STXBP5: variants seen among roughly 807,000 people sequenced by gnomAD.
STXBP5 encodes syntaxin binding protein 5.
Under a neutral mutation model 152.4 loss-of-function variants are expected in STXBP5, and 50 were observed. The ratio of observed to expected loss-of-function variants is 0.33; its 90% CI spans 0.26 to 0.42. The LOEUF is 0.42. Among genes scored for constraint, STXBP5 ranks in the 10% least tolerant of loss-of-function variants. The probability of loss-of-function intolerance (pLI) is 1.00; values close to 1 mark genes in which losing one functional copy is unlikely to be tolerated. For missense variants in STXBP5, 1,167 were observed against 1,388.6 expected, an observed-to-expected ratio of 0.84 and a Z score of 2.54; for synonymous variants, 492 against 494.7, an observed-to-expected ratio of 0.99 and a Z score of 0.07.
chr6:147,289,101 T>G (rs976454191), intron 8 of STXBP5, among the ~76,000 whole-genome samples: 2 of 152,216 alleles, frequency 1.3e-5, no homozygotes, highest in African/African-American at 4.8e-5. Context: ...TGCATTCAGT[T>G]AACACTTTAG....
Position 147,361,000 on chromosome 6 carries a change from T to C in STXBP5, c.2545+1677T>C, listed in dbSNP as rs566444366. On this transcript the variant is annotated intron_variant, in intron 23 of 27. Transcript: ENST00000321680. ...AGTTTAATTTACTCATTTTGCTCTA[T>C]AAGTGCTTGAGTATATACTGCACAT... 7.2e-5 allele frequency among the ~76,000 whole-genome samples: 11 copies of C among 152,320 alleles called. No homozygotes were observed. The East Asian group carries it at 2.1e-3, about 29-fold the overall frequency.
chr6:147,301,885 C>G (rs950893267), intron 9 of STXBP5, among the ~76,000 whole-genome samples: 1 of 152,142 alleles, frequency 6.6e-6, no homozygotes, highest in Non-Finnish European at 1.5e-5. Flanking sequence ...TGACTTCAGA[C>G]CTGCTACTGC....
At chr6:147,256,523 C>A (rs146854743) in intron 4 of STXBP5, among the ~76,000 whole-genome samples, 1 of 152,228 alleles carries the variant, frequency 6.6e-6, no homozygotes, top group South Asian at 2.1e-4. Flanking sequence ...CAAAATGTCA[C>A]TGAATATGGT....
rs149535107 is a variant in STXBP5, at chr6:147,383,254, C to G, written c.3414+256C>G. On this transcript the variant is annotated intron_variant, in intron 27 of 27. Transcript: ENST00000321680. ...TCAGGCTTTTGGTAAGCAAAGCTACCAGCTTTGCAACTGTTTCTTAAGGAA... is the reference window on the plus strand; with the variant it reads ...TCAGGCTTTTGGTAAGCAAAGCTACGAGCTTTGCAACTGTTTCTTAAGGAA... 8.3e-3 allele frequency among the ~76,000 whole-genome samples: 1,264 copies of G among 152,080 alleles called. 21 individuals carry two copies. The highest frequency in any genetic ancestry group is 0.029 in the African/African-American group (1,214 of 41,486).
intron 17 of STXBP5, among the ~76,000 whole-genome samples, chr6:147,326,568 C>G (rs546134590): frequency 2.0e-4 from 30 of 152,278 alleles, no homozygotes; most frequent in African/African-American, 7.0e-4. Context: ...CATGTCAGTT[C>G]TCCATTCCTG....
At chr6:147,331,804 TTA>T (rs1491419240) in intron 18 of STXBP5, among the ~76,000 whole-genome samples, 3,901 of 110,342 alleles carry the variant, frequency 0.035, 85 homozygotes, top group Admixed American at 0.066. Flanking sequence ...TTTCTACCAG[TTA>T]AAAAAAAAAA....
chr6:147,206,132 T>C (rs1468178250), intron 2 of STXBP5, 64 bp downstream of exon 2: 4 of 1,412,062 alleles, frequency 2.8e-6, no homozygotes, highest in African/African-American at 2.9e-5. Flanking sequence ...TCTGTGTTGC[T>C]GATTAGTTCC....
At chr6:147,300,942 T>G (rs924310849) in intron 9 of STXBP5, among the ~76,000 whole-genome samples, 7 of 150,380 alleles carry the variant, frequency 4.7e-5, no homozygotes, top group Non-Finnish European at 1.0e-4. Flanking sequence ...TATAAGGAAC[T>G]CAGTTCAATA....
chr6:147,226,822 A>G (rs1234124023), intron 2 of STXBP5, among the ~76,000 whole-genome samples: 2 of 152,224 alleles, frequency 1.3e-5, no homozygotes, highest in Non-Finnish European at 2.9e-5. Flanking sequence ...AAGTTCTCAA[A>G]TAAGAAAAAT....
intron 11 of STXBP5, among the ~76,000 whole-genome samples, 154 bp downstream of exon 11, chr6:147,311,681 T>C (rs1782384887): frequency 6.6e-6 from 1 of 152,170 alleles, no homozygotes; most frequent in African/African-American, 2.4e-5. Context: ...CATATCTACT[T>C]ACTCAAATTT....
chr6:147,331,800 C>G (rs1439008157), intron 18 of STXBP5, among the ~76,000 whole-genome samples: 1 of 129,366 alleles, frequency 7.7e-6, no homozygotes, highest in African/African-American at 2.8e-5. Flanking sequence ...AGCTTTTCTA[C>G]CAGTTAAAAA....
At chr6:147,317,826 A>T (rs1782718726) in intron 16 of STXBP5, among the ~76,000 whole-genome samples, 1 of 152,202 alleles carries the variant, frequency 6.6e-6, no homozygotes, top group Non-Finnish European at 1.5e-5. Context: ...ATACTACTTT[A>T]TACTTAAAAT....
intron 21 of STXBP5, among the ~76,000 whole-genome samples, chr6:147,346,729 G>A (rs1224774424): frequency 6.6e-6 from 1 of 151,510 alleles, no homozygotes; most frequent in South Asian, 2.1e-4. Flanking sequence ...GACAGGGTGA[G>A]TCTCCTCAAA....
At chr6:147,340,460 T>C (rs1784039960) in intron 21 of STXBP5, among the ~76,000 whole-genome samples, 1 of 151,952 alleles carries the variant, frequency 6.6e-6, no homozygotes, top group African/African-American at 2.4e-5. Flanking sequence ...AGTGACTCTT[T>C]TGGTAATAGT....
chr6:147,254,912 TTCC>T (rs1779280305), intron 4 of STXBP5, among the ~76,000 whole-genome samples: 2 of 152,210 alleles, frequency 1.3e-5, no homozygotes, highest in African/African-American at 4.8e-5. Flanking sequence ...AGTGTGGTGA[TTCC>T]TCAAGGATCT....
intron 8 of STXBP5, among the ~76,000 whole-genome samples, chr6:147,281,405 A>C (rs1343086410): frequency 6.6e-6 from 1 of 152,198 alleles, no homozygotes; most frequent in Non-Finnish European, 1.5e-5. Context: ...CATTCTGCAT[A>C]CCATAACAAG....
intron 21 of STXBP5, among the ~76,000 whole-genome samples, chr6:147,343,746 G>A (rs145359687): frequency 9.0e-4 from 137 of 152,284 alleles, no homozygotes; most frequent in African/African-American, 3.2e-3. Flanking sequence ...ATGAAAAAGT[G>A]TATATTAAGT....
chr6:147,314,127 G>T, intron 12 of STXBP5, 96 bp downstream of exon 12: 1 of 1,478,516 alleles, frequency 6.8e-7, no homozygotes, highest in Non-Finnish European at 9.2e-7. Flanking sequence ...CTTTTCTATG[G>T]AAAATAGGTT....
chr6:147,253,353 C>T (rs768575776), intron 4 of STXBP5, among the ~76,000 whole-genome samples: 1 of 152,034 alleles, frequency 6.6e-6, no homozygotes, highest in Non-Finnish European at 1.5e-5. Context: ...AACATCATAC[C>T]GAATGGGCAA....
Sources: gnomAD v4.1 joint callset for allele counts (sites outside exome capture counted in the v4.1 genomes callset) on GRCh38, gnomAD v4.1.1 for gene constraint, MANE v1.5 for transcripts, NCBI Gene and HGNC (gene_info 2026-07-23, HGNC 2026-07-21) for gene names.